Variants in NEDD4 observed in about 807,000 individuals in gnomAD.
NEDD4 encodes NEDD4 E3 ubiquitin protein ligase.
NEDD4 carries 99 observed loss-of-function variants against 144.9 expected under a neutral mutation model. The ratio of observed to expected loss-of-function variants is 0.68; its 90% CI spans 0.58 to 0.81. The LOEUF (loss-of-function observed/expected upper bound fraction) is 0.81, where lower values mean the gene tolerates loss of function less well. Among genes scored for constraint, NEDD4 ranks in the 30% least tolerant of loss-of-function variants. NEDD4 has a pLI of 0.00. For synonymous variants in NEDD4, 318 were observed against 350.6 expected, an observed-to-expected ratio of 0.91 and a Z score of 1.04; for missense variants, 985 against 1,065.9, an observed-to-expected ratio of 0.92 and a Z score of 1.06.
chr15:55,834,262 C>A lies in NEDD4; in HGVS notation c.2287G>T (p.Asp763Tyr), dbSNP rs1250407716. The change falls in exon 25 of 29, where the codon GAT (aspartate) becomes TAT (tyrosine). Residue 763 changes from aspartate to tyrosine, a missense_variant. Asp to Tyr is a radical substitution (Grantham distance 160). Transcript: ENST00000435532. The part of the protein sequence containing the change: ...KEGFFELIPQ[D>Y]LIKIFDENEL... Reference sequence around the variant, plus strand: ...TTTTCATCAAAAATTTTGATGAGATCCTGTGGTATTAGTTCAAAGAATCCC... The same window carrying A: ...TTTTCATCAAAAATTTTGATGAGATACTGTGGTATTAGTTCAAAGAATCCC... 1.9e-6 allele frequency: 3 copies of A among 1,608,474 alleles called. No homozygotes were observed. The South Asian group carries it at 3.3e-5, about 18-fold the overall frequency.
intron 13 of NEDD4, 30 bp downstream of exon 13, chr15:55,852,394 A>C (rs763807279): frequency 6.3e-7 from 1 of 1,596,212 alleles, no homozygotes; most frequent in Non-Finnish European, 8.5e-7. Context: ...TAAATCCTGT[A>C]AGAAAGCAAG....
intron 5 of NEDD4, among the ~76,000 whole-genome samples, chr15:55,877,261 A>G (rs187423089): frequency 6.6e-6 from 1 of 152,306 alleles, no homozygotes; most frequent in Non-Finnish European, 1.5e-5. Flanking sequence ...AATTTCTTTA[A>G]ATCTGGAAAG....
intron 5 of NEDD4, among the ~76,000 whole-genome samples, chr15:55,892,988 T>G (rs1299498911): frequency 9.2e-5 from 14 of 152,170 alleles, no homozygotes; most frequent in Admixed American, 9.2e-4. Flanking sequence ...CAAGCTGGTA[T>G]TTATCATTTT....
intron 23 of NEDD4, 29 bp from the exon 24 acceptor site, chr15:55,837,878 G>A (rs762727730): frequency 1.3e-6 from 2 of 1,563,182 alleles, no homozygotes; most frequent in Non-Finnish European, 1.8e-6. Context: ...TCATTTTCAT[G>A]TGAACCAAGA....
At chr15:55,993,414 C>G (rs2038020671) in intron 1 of NEDD4, 97 bp downstream of exon 1, 1 of 1,459,590 alleles carries the variant, frequency 6.9e-7, no homozygotes, top group Non-Finnish European at 9.4e-7. Context: ...GGGCTGACAG[C>G]AGAGCCTCCG....
At chr15:55,961,822 C>T (rs1404759460) in intron 2 of NEDD4, among the ~76,000 whole-genome samples, 1 of 151,994 alleles carries the variant, frequency 6.6e-6, no homozygotes, top group African/African-American at 2.4e-5. Flanking sequence ...CATGTGTGGT[C>T]TATGCTAGTG....
At chr15:55,882,237 G>C (rs938111101) in intron 5 of NEDD4, among the ~76,000 whole-genome samples, 1 of 152,180 alleles carries the variant, frequency 6.6e-6, no homozygotes, top group Non-Finnish European at 1.5e-5. Flanking sequence ...ACAGTATCTA[G>C]TTTTAACTTC....
Position 55,924,698 on chromosome 15 carries a change from A to G in NEDD4, c.239T>C (p.Val80Ala). 8.1e-6 allele frequency: 13 copies of G among 1,607,388 alleles called. No homozygotes were observed. The highest frequency in any genetic ancestry group is 1.1e-5 in the Non-Finnish European group (13 of 1,176,774). Residue 80 changes from valine to alanine, a missense_variant and splice_region_variant, in exon 5 of 29, where the codon GTT becomes GCT. Val to Ala is a moderately conservative substitution (Grantham distance 64). Transcript: ENST00000435532. Reference sequence around the variant, plus strand: ...AAGAAGCCGGTGCTGCTGAGGATGAACCTAAGAAAAACACAATCTTTATTT... The same window carrying G: ...AAGAAGCCGGTGCTGCTGAGGATGAGCCTAAGAAAAACACAATCTTTATTT... ...PKWNEEILFRVHPQQHRLLFE... is the reference protein window; with the variant it reads ...PKWNEEILFRAHPQQHRLLFE...
rs1244511542 is a variant in NEDD4 at position 55,993,187 on chromosome 15, T to C, written c.45+324A>G. 4.6e-5 allele frequency among the ~76,000 whole-genome samples: 7 copies of C among 152,294 alleles called. No individual in the cohort carries two copies. In the South Asian group the frequency reaches 1.0e-3, roughly 23 times the overall value. ...CCCGGCGGGGGTGGCAGGAAGGGGC[T>C]GGCGCGGTGATGTGGGTCCCCCGCC... On this transcript the variant is annotated intron_variant, in intron 1 of 28. Transcript: ENST00000435532.
Position 55,829,980 on chromosome 15 carries a change from G to A in NEDD4, c.2620C>T (p.Pro874Ser). 1 of 1,612,528 alleles carries A rather than the reference G, an allele frequency of 6.2e-7. No individual in the cohort carries two copies. Among genetic ancestry groups the A allele is most frequent in the Non-Finnish European group, 8.5e-7 (1 of 1,179,338 alleles). Residue 874 changes from proline (P) to serine (S), a missense_variant, in exon 29 of 29, where the codon CCA becomes TCA. Physicochemically the swap from Pro to Ser is moderately conservative, Grantham distance 74 (BLOSUM62 -1). Coordinates refer to ENST00000435532, the MANE Select transcript of NEDD4 (RefSeq NM_006154.4). ...AHTCFNRLDL[P>S]PYESFEELWD... ...AATTCTTCAAATGATTCATAAGGTG[G>A]CAAGTCCAGGCGATTAAAACTGAAA... is the stretch of plus-strand genomic sequence containing the variant.
chr15:55,974,756 T>A (rs2037670323), intron 1 of NEDD4, among the ~76,000 whole-genome samples: 1 of 151,114 alleles, frequency 6.6e-6, no homozygotes, highest in Non-Finnish European at 1.5e-5. Context: ...AACCTGACTA[T>A]AGATGGAACA....
chr15:55,926,814 G>A (rs906932387), intron 4 of NEDD4, among the ~76,000 whole-genome samples: 12 of 152,132 alleles, frequency 7.9e-5, no homozygotes, highest in African/African-American at 2.4e-4. Flanking sequence ...GGTGGCTCAC[G>A]CCTGTAATCC....
At chr15:55,968,629 A>T (rs1459529098) in intron 1 of NEDD4, among the ~76,000 whole-genome samples, 1 of 152,238 alleles carries the variant, frequency 6.6e-6, no homozygotes, top group African/African-American at 2.4e-5. Flanking sequence ...TAAGAAATAC[A>T]TGAAAAGATA....
chr15:55,830,666 T>G, intron 27 of NEDD4, 80 bp from the exon 28 acceptor site: 17 of 1,023,938 alleles, frequency 1.7e-5, no homozygotes, highest in Non-Finnish European at 2.3e-5. Context: ...TAGTGTACAC[T>G]AGTTCCTACA....
At chr15:55,878,480 A>C (rs2035070076) in intron 5 of NEDD4, among the ~76,000 whole-genome samples, 1 of 152,178 alleles carries the variant, frequency 6.6e-6, no homozygotes, top group African/African-American at 2.4e-5. Context: ...ACTACTTCAA[A>C]CCCCCTGGAA....
Position 55,915,642 on chromosome 15 carries a change from C to T in NEDD4, c.291+9004G>A, listed in dbSNP as rs753900700. The T allele has an allele frequency of 6.8e-6, 11 of 1,613,544 alleles. No individual in the cohort carries two copies. In the African/African-American group the frequency reaches 1.5e-4, roughly 22 times the overall value. ...CTTAATTTCTGACATTTCTGGTTTA[C>T]AATCACCATTTGTTGTTTCACAGTC... On this transcript the variant is annotated intron_variant, in intron 5 of 28. Transcript: ENST00000435532.
intron 1 of NEDD4, among the ~76,000 whole-genome samples, chr15:55,983,501 G>T (rs755822161): frequency 6.6e-6 from 1 of 151,792 alleles, no homozygotes; most frequent in Admixed American, 6.6e-5. Context: ...TACTCAATGG[G>T]GTTCTATTGC....
chr15:55,848,835 C>T lies in NEDD4; in HGVS notation c.1399G>A (p.Asp467Asn), dbSNP rs997125933. 2 of 1,613,638 alleles carry T rather than the reference C, an allele frequency of 1.2e-6. No homozygotes were observed. The highest frequency in any genetic ancestry group is 3.3e-5 in the Admixed American group (2 of 59,982). ...PAHLRGKTSL[D>N]TSNDLGPLPP... ...AAAGGCCCTAGATCATTGGAAGTAT[C>T]AAGTGATGTCTTTCCTCTCAGATGG... is the stretch of plus-strand genomic sequence containing the variant. Residue 467 changes from aspartate to asparagine, a missense_variant, in exon 15 of 29, where the codon GAT becomes AAT. By Grantham distance (23) the Asp-to-Asn change is conservative (BLOSUM62 1). Transcript: ENST00000435532.
At chr15:55,830,405 T>C in intron 28 of NEDD4, 109 bp downstream of exon 28, 1 of 982,484 alleles carries the variant, frequency 1.0e-6, no homozygotes, top group Non-Finnish European at 1.6e-6. Flanking sequence ...CCATAATCCA[T>C]ACCTGCCACC....
Sources: gnomAD v4.1 joint callset for allele counts (sites outside exome capture counted in the v4.1 genomes callset) on GRCh38, gnomAD v4.1.1 for gene constraint, MANE v1.5 for transcripts, NCBI Gene and HGNC (gene_info 2026-07-23, HGNC 2026-07-21) for gene names.